Variants in DENND4C observed in about 807,000 individuals in gnomAD.
DENND4C encodes the protein DENN domain containing 4C.
DENND4C carries 108 observed loss-of-function variants against 203.0 expected under a neutral mutation model. The observed-to-expected ratio is 0.53, with a 90% CI of 0.46 to 0.62. DENND4C has a LOEUF of 0.62. DENND4C is among the 20% of genes least tolerant of loss of function. The pLI, the probability that DENND4C is intolerant of heterozygous loss-of-function variation, is 0.00. For missense variants in DENND4C, 2,481 were observed against 2,301.2 expected (o/e 1.08, Z -1.60); for synonymous variants, 871 against 792.4 (o/e 1.10, Z -1.67).
chr9:19,270,123 C>T (rs902097394), intron 1 of DENND4C, among the ~76,000 whole-genome samples: 8 of 152,132 alleles, frequency 5.3e-5, no homozygotes, highest in Non-Finnish European at 1.2e-4. Flanking sequence ...CAAATGGCAT[C>T]GCTCTCCATG....
intron 1 of DENND4C, among the ~76,000 whole-genome samples, chr9:19,262,500 C>T (rs546744970): frequency 7.3e-5 from 11 of 149,762 alleles, no homozygotes; most frequent in East Asian, 5.8e-4. Flanking sequence ...GGTGCTATCT[C>T]GGCTCTCTGC....
intron 9 of DENND4C, among the ~76,000 whole-genome samples, chr9:19,300,637 A>G (rs1838368043): frequency 6.6e-6 from 1 of 152,212 alleles, no homozygotes; most frequent in Non-Finnish European, 1.5e-5. Flanking sequence ...AGCTGGTTGT[A>G]TTGAGAGGCT....
intron 1 of DENND4C, among the ~76,000 whole-genome samples, chr9:19,275,945 A>G (rs1003697007): frequency 6.6e-5 from 10 of 152,182 alleles, no homozygotes; most frequent in Non-Finnish European, 5.9e-5. Context: ...AGAAGATTAT[A>G]GTTGTATTAC....
chr9:19,325,470 GC>G (rs547582399), intron 13 of DENND4C, among the ~76,000 whole-genome samples: 1 of 151,892 alleles, frequency 6.6e-6, no homozygotes, highest in Non-Finnish European at 1.5e-5. Flanking sequence ...AATTTTTATG[GC>G]CCCCTCATGA....
chr9:19,351,814 A>C (rs1049257749), intron 24 of DENND4C, among the ~76,000 whole-genome samples: 3 of 147,646 alleles, frequency 2.0e-5, no homozygotes, highest in African/African-American at 5.4e-5. Context: ...CTAAAAAAAA[A>C]AAAAAGAAAA....
rs1263175205 is a variant in DENND4C, at chr9:19,296,250, T to C, written c.1040+4T>C. 79 of 1,568,732 alleles carry C rather than the reference T, an allele frequency of 5.0e-5. No homozygotes were observed. Among genetic ancestry groups the C allele is most frequent in the Non-Finnish European group, 6.6e-5 (75 of 1,143,684 alleles). ...CACATCCTCTTCCCATTGAAAAGTA[T>C]GTATAATGATTAGAAAGATGGCTGG... On this transcript the variant is annotated splice_donor_region_variant and intron_variant, in intron 6 of 32. Coordinates refer to ENST00000434457, the MANE Select transcript of DENND4C (RefSeq NM_001330640.2).
rs748409160 is a variant in DENND4C, at chr9:19,346,663, A to G, written c.3894A>G (p.Lys1298=). 2 of 1,614,208 alleles carry G rather than the reference A, an allele frequency of 1.2e-6. No homozygotes were observed. The highest frequency in any genetic ancestry group is 8.5e-7 in the Non-Finnish European group (1 of 1,180,044). The change falls in exon 23 of 33, where the codon AAA becomes AAG. Residue 1298 remains lysine, a synonymous_variant. Transcript: ENST00000434457. ...ACCTAAAAAGTCCCCTAGGTAGTAA[A>G]TCTTCTAGTATGGAATTACACAGAG... ...YMNLKSPLGS[K]SSSMELHREE...
At chr9:19,242,876 G>C (rs563817148) in intron 1 of DENND4C, among the ~76,000 whole-genome samples, 11 of 152,028 alleles carry the variant, frequency 7.2e-5, no homozygotes, top group East Asian at 5.8e-4. Context: ...GGCTAGTCTC[G>C]ATCTCCTGAC....
intron 1 of DENND4C, among the ~76,000 whole-genome samples, chr9:19,273,703 A>G (rs980379659): frequency 3.9e-5 from 6 of 152,054 alleles, no homozygotes; most frequent in African/African-American, 1.5e-4. Flanking sequence ...GTAATTGCAA[A>G]TTAAAACCAG....
chr9:19,254,763 A>T (rs917405864), intron 1 of DENND4C, among the ~76,000 whole-genome samples: 1 of 152,222 alleles, frequency 6.6e-6, no homozygotes, highest in Non-Finnish European at 1.5e-5. Context: ...TAATGTGTAT[A>T]TATATACCAA....
At chr9:19,264,371 A>G (rs1021375587) in intron 1 of DENND4C, among the ~76,000 whole-genome samples, 10 of 151,880 alleles carry the variant, frequency 6.6e-5, no homozygotes, top group African/African-American at 1.9e-4. Context: ...CAGTGGCGCA[A>G]TTTCGGCTCA....
At chr9:19,288,040 T>C (rs1835567036) in intron 3 of DENND4C, among the ~76,000 whole-genome samples, 1 of 152,246 alleles carries the variant, frequency 6.6e-6, no homozygotes, top group African/African-American at 2.4e-5. Flanking sequence ...AATCCATGCA[T>C]ACTTACTCTT....
rs1179958277 is a variant in DENND4C, at chr9:19,373,384, C to CT, written c.*1212dup. The CT allele has an allele frequency of 6.6e-6, 1 of 152,596 alleles. No individual in the cohort carries two copies. Among genetic ancestry groups the CT allele is most frequent in the Non-Finnish European group, 1.5e-5 (1 of 68,028 alleles). The allele number at this position is 152,596 out of a possible 1,614,324, so 9.5% of individuals were successfully genotyped here. A position where few individuals can be genotyped will look rare whatever the true frequency, so the allele number is the denominator to read the frequency against. The stretch of plus-strand genomic sequence containing the variant: ...AATTCATTGGAATGTGCTTAAAATG[C>CT]TAAAGTGTATGTCATTGAACATGAA... On this transcript the variant is annotated 3_prime_UTR_variant, in exon 33 of 33. Transcript: ENST00000434457.
intron 10 of DENND4C, among the ~76,000 whole-genome samples, chr9:19,305,770 T>C (rs1396411425): frequency 6.6e-6 from 1 of 152,196 alleles, no homozygotes; most frequent in African/African-American, 2.4e-5. Context: ...GCAGGAGATA[T>C]TTATGTTTAT....
At chr9:19,345,788 T>G in intron 22 of DENND4C, 133 bp from the exon 23 acceptor site, 1 of 844,968 alleles carries the variant, frequency 1.2e-6, no homozygotes, top group South Asian at 2.3e-5. Context: ...TATACTTTCT[T>G]TATGGCCTCT....
rs550643179 is a variant in DENND4C, at chr9:19,255,183, A to C, written c.-17-20975A>C. 5.9e-5 allele frequency among the ~76,000 whole-genome samples: 9 copies of C among 152,160 alleles called. No homozygotes were observed. The South Asian group carries it at 1.2e-3, about 21-fold the overall frequency. ...CTCAGGAGGTGGAGGCTGGAGGGCC[A>C]CTTGAGGCCAGGAGTTCAAGACCAG... On this transcript the variant is annotated intron_variant, in intron 1 of 32. Coordinates refer to ENST00000434457, the MANE Select transcript of DENND4C (RefSeq NM_001330640.2).
chr9:19,232,229 A>G (rs777136193), intron 1 of DENND4C, among the ~76,000 whole-genome samples: 41 of 151,912 alleles, frequency 2.7e-4, no homozygotes, highest in Non-Finnish European at 4.9e-4. Context: ...ATTCATGAAC[A>G]TGATCTGCCT....
At chr9:19,244,973 G>GA (rs1157350535) in intron 1 of DENND4C, among the ~76,000 whole-genome samples, 4 of 152,042 alleles carry the variant, frequency 2.6e-5, no homozygotes, top group Non-Finnish European at 5.9e-5. Flanking sequence ...AAGAATAATA[G>GA]AAAAAAACTT....
chr9:19,296,111 T>A lies in DENND4C; in HGVS notation c.905T>A (p.Met302Lys). The change falls in exon 6 of 33, where the codon ATG (methionine) becomes AAG (lysine). Residue 302 changes from methionine (M) to lysine (K), a missense_variant. Transcript: ENST00000434457. ...LGLLTPVERK[M>K]VSKSINTNKC... ...TTGTTGACGCCTGTGGAGAGAAAAA[T>A]GGTCTCCAAATCCATCAATACAAAC... 6.2e-7 allele frequency: 1 copy of A among 1,614,044 alleles called. No homozygotes were observed. Among genetic ancestry groups the A allele is most frequent in the South Asian group, 1.1e-5 (1 of 91,080 alleles).
Sources: gnomAD v4.1 joint callset for allele counts (sites outside exome capture counted in the v4.1 genomes callset) on GRCh38, gnomAD v4.1.1 for gene constraint, MANE v1.5 for transcripts, NCBI Gene and HGNC (gene_info 2026-07-23, HGNC 2026-07-21) for gene names.